Variants in TMEFF2 observed in about 807,000 individuals in gnomAD.
The protein encoded by TMEFF2 is tomoregulin-2.
TMEFF2 carries 28 observed loss-of-function variants against 53.8 expected under a neutral mutation model. That is an observed-to-expected ratio of 0.52 (90% confidence interval 0.39 to 0.71). The LOEUF (loss-of-function observed/expected upper bound fraction) is 0.71. Among genes scored for constraint, TMEFF2 ranks in the 30% least tolerant of loss-of-function variants. TMEFF2 has a pLI of 0.00. For missense variants in TMEFF2, 353 were observed against 455.2 expected (o/e 0.78, Z 2.04); for synonymous variants, 162 against 166.3 (o/e 0.97, Z 0.20).
At chr2:192,143,610 A>T (rs1690186808) in intron 4 of TMEFF2, among the ~76,000 whole-genome samples, 2 of 152,172 alleles carry the variant, frequency 1.3e-5, no homozygotes. Context: ...ATGGATGGCT[A>T]GACAGTCACA....
chr2:192,132,101 C>A (rs573673119), intron 4 of TMEFF2, among the ~76,000 whole-genome samples: 6 of 151,764 alleles, frequency 4.0e-5, no homozygotes, highest in Non-Finnish European at 8.8e-5. Flanking sequence ...CTGACCTCTC[C>A]CCTCCTCGCC....
intron 4 of TMEFF2, among the ~76,000 whole-genome samples, chr2:192,063,779 G>T (rs1249025673): frequency 6.6e-6 from 1 of 151,660 alleles, no homozygotes; most frequent in Admixed American, 6.6e-5. Flanking sequence ...TCTTGAATAA[G>T]TGATTCTTTT....
chr2:192,075,387 T>C (rs1173155517), intron 4 of TMEFF2, among the ~76,000 whole-genome samples: 1 of 145,926 alleles, frequency 6.9e-6, no homozygotes, highest in East Asian at 2.1e-4. Flanking sequence ...GGGGGCCTAA[T>C]TCTTCCATGT....
intron 4 of TMEFF2, among the ~76,000 whole-genome samples, chr2:192,140,835 T>C (rs1690119770): frequency 6.6e-6 from 1 of 152,186 alleles, no homozygotes; most frequent in Non-Finnish European, 1.5e-5. Flanking sequence ...GCACGTATTT[T>C]AGCCACAGGC....
intron 7 of TMEFF2, among the ~76,000 whole-genome samples, chr2:191,958,186 A>C (rs911466041): frequency 1.3e-5 from 2 of 152,126 alleles, no homozygotes; most frequent in Non-Finnish European, 2.9e-5. Flanking sequence ...TGTTTAAAGG[A>C]GACTTTAGCA....
chr2:192,105,266 T>C (rs1689119889), intron 4 of TMEFF2, among the ~76,000 whole-genome samples: 1 of 151,946 alleles, frequency 6.6e-6, no homozygotes, highest in African/African-American at 2.4e-5. Flanking sequence ...AAAATTAATA[T>C]TATTTTTCAC....
intron 4 of TMEFF2, among the ~76,000 whole-genome samples, chr2:192,093,314 G>A (rs1325518852): frequency 3.9e-5 from 6 of 152,084 alleles, no homozygotes; most frequent in East Asian, 1.9e-4. Context: ...TATTTATTTC[G>A]AGGTAGTATT....
intron 7 of TMEFF2, among the ~76,000 whole-genome samples, chr2:191,959,271 T>C (rs1373913856): frequency 6.6e-6 from 1 of 152,214 alleles, no homozygotes; most frequent in Non-Finnish European, 1.5e-5. Context: ...AATCCTCAAC[T>C]AGTTTCCTGT....
Position 192,184,275 on chromosome 2 carries a change from G to GGA in TMEFF2, c.412+77_412+78dup, listed in dbSNP as rs988239530. 2.9e-5 allele frequency: 44 copies of GGA among 1,522,758 alleles called. No homozygotes were observed. The African/African-American group carries it at 6.0e-4, about 21-fold the overall frequency. 94.3% of individuals were successfully genotyped at this position (1,522,758 alleles called of 1,614,324 possible). On this transcript the variant is annotated intron_variant, in intron 3 of 9. Transcript: ENST00000272771. The stretch of plus-strand genomic sequence containing the variant: ...AACATATAATCTGAATTATTTATTG[G>GGA]GAGATAACAAGAAATGAAAGACATG...
intron 2 of TMEFF2, among the ~76,000 whole-genome samples, chr2:192,188,879 C>G (rs1169650677): frequency 6.8e-6 from 1 of 146,372 alleles, no homozygotes; most frequent in Non-Finnish European, 1.5e-5. Context: ...ATCTATCTAT[C>G]TATCTGTCCA....
intron 4 of TMEFF2, among the ~76,000 whole-genome samples, chr2:192,155,348 G>C (rs909106542): frequency 4.6e-5 from 7 of 151,938 alleles, no homozygotes; most frequent in African/African-American, 1.4e-4. Context: ...ATCTGGGAAA[G>C]AGTAAAGAGA....
At chr2:192,057,340 C>CA (rs904059219) in intron 5 of TMEFF2, among the ~76,000 whole-genome samples, 48 of 152,238 alleles carry the variant, frequency 3.2e-4, no homozygotes, top group Admixed American at 1.8e-3. Context: ...GCTGGGAGTA[C>CA]AGGCCTGAGC....
intron 4 of TMEFF2, among the ~76,000 whole-genome samples, chr2:192,104,238 A>G (rs1007749001): frequency 4.6e-5 from 7 of 152,170 alleles, no homozygotes; most frequent in South Asian, 4.1e-4. Context: ...AGTAGCGTTT[A>G]GAGAAAATCA....
intron 4 of TMEFF2, among the ~76,000 whole-genome samples, chr2:192,119,576 C>T (rs755644298): frequency 2.6e-5 from 4 of 152,096 alleles, no homozygotes; most frequent in African/African-American, 9.7e-5. Flanking sequence ...AAGTGGAAGC[C>T]CACAATCACA....
intron 2 of TMEFF2, among the ~76,000 whole-genome samples, chr2:192,186,706 A>C (rs190429078): frequency 6.6e-6 from 1 of 152,224 alleles, no homozygotes; most frequent in East Asian, 1.9e-4. Flanking sequence ...TTCAATCTCC[A>C]TCTCCATCCC....
At chr2:192,055,852 A>C (rs1229738425) in intron 5 of TMEFF2, among the ~76,000 whole-genome samples, 2 of 151,816 alleles carry the variant, frequency 1.3e-5, no homozygotes, top group African/African-American at 4.8e-5. Flanking sequence ...TGTTTACCTC[A>C]AGATGGTCAA....
chr2:192,105,441 C>T (rs1689123839), intron 4 of TMEFF2, among the ~76,000 whole-genome samples: 1 of 151,816 alleles, frequency 6.6e-6, no homozygotes, highest in Non-Finnish European at 1.5e-5. Context: ...AGGCACTGAG[C>T]AATTTACTTT....
rs1419727421 is a variant in TMEFF2 at position 191,949,823 on chromosome 2, A to AATT, written c.*485_*487dup. On this transcript the variant is annotated 3_prime_UTR_variant, in exon 10 of 10. Coordinates refer to ENST00000272771, the MANE Select transcript of TMEFF2 (RefSeq NM_016192.4). ...TTTTATCCTCACTCGATATAAAGTA[A>AATT]ATTATTTTTTCTCTTTTCCAATAAC... The AATT allele has an allele frequency of 1.0e-6, 1 of 985,606 alleles. No homozygotes were observed. The highest frequency in any genetic ancestry group is 1.2e-6 in the Non-Finnish European group (1 of 829,960). 61.1% of individuals were successfully genotyped at this position (985,606 alleles called of 1,614,324 possible). A position where few individuals can be genotyped will look rare whatever the true frequency, so the allele number is the denominator to read the frequency against.
At chr2:192,030,399 A>T (rs149838644) in intron 5 of TMEFF2, 54 of 152,184 alleles carry the variant, frequency 3.5e-4, no homozygotes, top group African/African-American at 1.3e-3. Context: ...AGCAAAGTGT[A>T]AGCTTTCATT....
Sources: allele counts gnomAD v4.1 joint callset (sites outside exome capture counted in the v4.1 genomes callset), GRCh38; gene constraint gnomAD v4.1.1; transcripts MANE v1.5; gene names NCBI Gene and HGNC (gene_info 2026-07-23, HGNC 2026-07-21).